Variants in GRIK2 observed in about 807,000 individuals in gnomAD.
The protein encoded by GRIK2 is glutamate receptor ionotropic, kainate 2.
A neutral mutation model predicts 100.3 loss-of-function variants in GRIK2; 32 were observed. The ratio of observed to expected loss-of-function variants is 0.32; its 90% CI spans 0.24 to 0.43. The LOEUF (loss-of-function observed/expected upper bound fraction) is 0.43. Ranked by LOEUF, GRIK2 falls within the 20% of genes least tolerant of loss-of-function variation. The pLI, the probability that GRIK2 is intolerant of heterozygous loss-of-function variation, is 1.00. For missense variants in GRIK2, 843 were observed against 1,114.9 expected (o/e 0.76, Z 3.47); for synonymous variants, 417 against 389.4 (o/e 1.07, Z -0.83).
rs1483555668 is a variant in GRIK2 at position 101,803,349 on chromosome 6, G to A, written c.1203+911G>A. 2.0e-5 allele frequency among the ~76,000 whole-genome samples: 3 copies of A among 151,812 alleles called. 1 individual carries two copies. In the Admixed American group the frequency reaches 2.0e-4, roughly 10 times the overall value. On this transcript the variant is annotated intron_variant, in intron 9 of 16. Coordinates refer to ENST00000369134, the MANE Select transcript of GRIK2 (RefSeq NM_021956.5). ...ATGCTGATTCAAACCATCCAGGACA[G>A]AGTAAAATTGCATTTTTGATAGTGT...
intron 7 of GRIK2, among the ~76,000 whole-genome samples, chr6:101,784,319 G>A (rs1189182912): frequency 2.6e-5 from 4 of 152,184 alleles, no homozygotes; most frequent in East Asian, 1.9e-4. Context: ...GGTACAGCTC[G>A]GGCTGTTGCT....
At chr6:101,463,958 T>A (rs1771479617) in intron 2 of GRIK2, among the ~76,000 whole-genome samples, 1 of 152,190 alleles carries the variant, frequency 6.6e-6, no homozygotes, top group African/African-American at 2.4e-5. Flanking sequence ...TATTATAGAT[T>A]TTTCCTTACT....
At chr6:101,933,608 G>A (rs1399803502) in intron 14 of GRIK2, among the ~76,000 whole-genome samples, 2 of 151,840 alleles carry the variant, frequency 1.3e-5, no homozygotes, top group Non-Finnish European at 2.9e-5. Context: ...TATCTGCTAT[G>A]TGTGCCCTAA....
At chr6:101,980,724 G>A (rs1793661748) in intron 14 of GRIK2, among the ~76,000 whole-genome samples, 1 of 151,646 alleles carries the variant, frequency 6.6e-6, no homozygotes, top group East Asian at 1.9e-4. Context: ...TTCTAATACA[G>A]CTTAATCATG....
chr6:101,852,558 A>T (rs1784197602), intron 10 of GRIK2, among the ~76,000 whole-genome samples: 1 of 152,056 alleles, frequency 6.6e-6, no homozygotes, highest in African/African-American at 2.4e-5. Flanking sequence ...GAGCCAGGGG[A>T]TGTTTGGTGC....
chr6:101,702,987 G>T (rs1016661066), intron 7 of GRIK2, among the ~76,000 whole-genome samples: 1 of 151,998 alleles, frequency 6.6e-6, no homozygotes, highest in South Asian at 2.1e-4. Flanking sequence ...TTGCCTATTA[G>T]ATATCCAAGC....
At chr6:101,817,070 G>A (rs1329902691) in intron 9 of GRIK2, among the ~76,000 whole-genome samples, 1 of 152,120 alleles carries the variant, frequency 6.6e-6, no homozygotes, top group Non-Finnish European at 1.5e-5. Flanking sequence ...CTCTGAAATA[G>A]AATTAGGCTC....
At chr6:101,482,554 G>T (rs925966284) in intron 2 of GRIK2, among the ~76,000 whole-genome samples, 2 of 152,160 alleles carry the variant, frequency 1.3e-5, no homozygotes, top group African/African-American at 4.8e-5. Flanking sequence ...ATAGGATGCA[G>T]CCCTGTGTTA....
intron 4 of GRIK2, among the ~76,000 whole-genome samples, chr6:101,628,788 C>T (rs947305299): frequency 1.3e-5 from 2 of 152,106 alleles, no homozygotes; most frequent in Admixed American, 6.6e-5. Flanking sequence ...TATGTGCATG[C>T]ACACAGGTAT....
At chr6:101,987,338 G>A (rs942928996) in intron 14 of GRIK2, among the ~76,000 whole-genome samples, 6 of 151,706 alleles carry the variant, frequency 4.0e-5, no homozygotes, top group Non-Finnish European at 7.4e-5. Flanking sequence ...CTAATAGTAT[G>A]CAAACAAAAC....
chr6:101,690,938 C>T (rs1772049294), intron 7 of GRIK2, among the ~76,000 whole-genome samples: 1 of 152,092 alleles, frequency 6.6e-6, no homozygotes, highest in Non-Finnish European at 1.5e-5. Context: ...TTATGTATAA[C>T]TCCATGTTGA....
At chr6:102,034,150 G>A (rs556061546) in intron 14 of GRIK2, among the ~76,000 whole-genome samples, 5 of 151,240 alleles carry the variant, frequency 3.3e-5, no homozygotes, top group African/African-American at 7.3e-5. Flanking sequence ...ATTTCTACCC[G>A]GTCTTAGCCC....
At chr6:101,844,412 A>G (rs940735374) in intron 10 of GRIK2, among the ~76,000 whole-genome samples, 13 of 152,176 alleles carry the variant, frequency 8.5e-5, no homozygotes, top group African/African-American at 2.7e-4. Flanking sequence ...GAATAATAGG[A>G]GAATAAATTT....
chr6:101,693,414 T>G (rs1455385418), intron 7 of GRIK2, among the ~76,000 whole-genome samples: 1 of 151,912 alleles, frequency 6.6e-6, no homozygotes, highest in Non-Finnish European at 1.5e-5. Flanking sequence ...GTCTCTTATT[T>G]TATATTTAAA....
intron 4 of GRIK2, among the ~76,000 whole-genome samples, chr6:101,642,243 TGTG>T (rs545021709): frequency 9.2e-5 from 14 of 152,010 alleles, no homozygotes; most frequent in African/African-American, 3.1e-4. Context: ...AATTTGTAAT[TGTG>T]GTAAAATACA....
chr6:101,563,530 CAG>C (rs1282378363), intron 2 of GRIK2, among the ~76,000 whole-genome samples: 1 of 152,082 alleles, frequency 6.6e-6, no homozygotes, highest in African/African-American at 2.4e-5. Flanking sequence ...TTAGAAAAAT[CAG>C]TGATTTTTGC....
At chr6:101,494,873 G>A (rs1025457382) in intron 2 of GRIK2, among the ~76,000 whole-genome samples, 1 of 150,862 alleles carries the variant, frequency 6.6e-6, no homozygotes, top group Non-Finnish European at 1.5e-5. Flanking sequence ...GGTGGAGGTT[G>A]TAGTGAGCTG....
chr6:101,802,398 A>C lies in GRIK2; in HGVS notation c.1163A>C (p.Asp388Ala). 6.3e-7 allele frequency: 1 copy of C among 1,588,764 alleles called. No homozygotes were observed. Among genetic ancestry groups the C allele is most frequent in the South Asian group, 1.1e-5 (1 of 88,158 alleles). The change falls in exon 9 of 17, where the codon GAT becomes GCT. Residue 388 changes from aspartate to alanine, a missense_variant. Physicochemically the swap from Asp to Ala is moderately radical, Grantham distance 126 (BLOSUM62 -2). Coordinates refer to ENST00000369134, the MANE Select transcript of GRIK2 (RefSeq NM_021956.5). The part of the protein sequence containing the change: ...NKTNGLRTDF[D>A]LDVISLKEEG... ...ACCAATGGCTTGAGAACAGATTTTG[A>C]TTTGGATGTGATCAGTCTGAAGGAA...
At chr6:101,469,453 T>G (rs894550478) in intron 2 of GRIK2, among the ~76,000 whole-genome samples, 1 of 152,198 alleles carries the variant, frequency 6.6e-6, no homozygotes, top group African/African-American at 2.4e-5. Flanking sequence ...ATTAATATAC[T>G]GTCCAAATAG....
Sources: gnomAD v4.1 joint callset for allele counts (sites outside exome capture counted in the v4.1 genomes callset) on GRCh38, gnomAD v4.1.1 for gene constraint, MANE v1.5 for transcripts, NCBI Gene and HGNC (gene_info 2026-07-23, HGNC 2026-07-21) for gene names.